ZC2HC1B: variants seen among roughly 807,000 people sequenced by gnomAD.
The protein encoded by ZC2HC1B is zinc finger C2HC domain-containing protein 1B.
ZC2HC1B carries 36 observed loss-of-function variants against 31.0 expected under a neutral mutation model. That is an observed-to-expected ratio of 1.16 (90% CI 0.89 to 1.54). The LOEUF (loss-of-function observed/expected upper bound fraction) is 1.54. Ranked by LOEUF, ZC2HC1B falls within the 40% of genes most tolerant of loss-of-function variation. ZC2HC1B has a pLI of 0.00. For synonymous variants in ZC2HC1B, 73 were observed against 88.0 expected, an observed-to-expected ratio of 0.83 and a Z score of 0.95; for missense variants, 260 against 268.6, an observed-to-expected ratio of 0.97 and a Z score of 0.22.
In ZC2HC1B at chr6:143,868,358, G is replaced by A. The variant is rs1364986316; in HGVS notation, c.28+3791G>A. On this transcript the variant is annotated intron_variant, in intron 1 of 7. Coordinates refer to ENST00000237275, the MANE Select transcript of ZC2HC1B (RefSeq NM_001013623.3). This position sits in a 1 kb window ranked among gnomAD's most constrained non-coding sequence, Gnocchi z 4.2. ...GCAAGCTGAGGAGCAAGGACAACCA[G>A]TACAGTGCCAAAACTGAAGAACTTG... 6.6e-6 allele frequency among the ~76,000 whole-genome samples: 1 copy of A among 152,210 alleles called. No individual in the cohort carries two copies. The highest frequency in any genetic ancestry group is 1.5e-5 in the Non-Finnish European group (1 of 68,044).
At chr6:143,909,250 G>C (rs1292134758) in intron 6 of ZC2HC1B, among the ~76,000 whole-genome samples, 1 of 151,934 alleles carries the variant, frequency 6.6e-6, no homozygotes, top group Non-Finnish European at 1.5e-5. Context: ...GTGTATCTCT[G>C]ACAGGTTTTG....
chr6:143,900,942 G>A (rs554385991), intron 5 of ZC2HC1B, among the ~76,000 whole-genome samples: 5 of 152,082 alleles, frequency 3.3e-5, no homozygotes, highest in South Asian at 2.1e-4. Context: ...GGGTTCAAGC[G>A]ATTCTCCGGC....
chr6:143,936,106 C>T (rs1778175234), intron 6 of ZC2HC1B, among the ~76,000 whole-genome samples: 1 of 152,112 alleles, frequency 6.6e-6, no homozygotes, highest in African/African-American at 2.4e-5. Flanking sequence ...CCACATATAA[C>T]AGTTTTAAAA....
At chr6:143,894,557 C>T (rs1031712906) in intron 4 of ZC2HC1B, among the ~76,000 whole-genome samples, 1 of 152,132 alleles carries the variant, frequency 6.6e-6, no homozygotes, top group African/African-American at 2.4e-5. Flanking sequence ...AAAAATATGT[C>T]ATCTGAACTT....
chr6:143,884,317 A>G lies in ZC2HC1B; in HGVS notation c.42A>G (p.Glu14=), dbSNP rs1369550071. The G allele has an allele frequency of 3.3e-6, 5 of 1,533,128 alleles. No individual in the cohort carries two copies. In the South Asian group the frequency reaches 3.7e-5, roughly 11 times the overall value. The allele number at this position is 1,533,128 out of a possible 1,614,324, so 95.0% of individuals were successfully genotyped here. Residue 14 remains glutamate, a synonymous_variant, in exon 2 of 8, where the codon GAA becomes GAG. Transcript: ENST00000237275. This position sits in a 1 kb window ranked among gnomAD's most constrained non-coding sequence, Gnocchi z 5.1. ...AATTTTACACAGATGGCAATCAGGA[A>G]TTGTTTCCCTGTGAAGTCTGTGGAA... ...AEPFLADGNQ[E]LFPCEVCGRR... is the part of the protein sequence containing the mutation.
At chr6:143,925,537 T>TAA (rs1778026821) in intron 6 of ZC2HC1B, among the ~76,000 whole-genome samples, 1 of 18,794 alleles carries the variant, frequency 5.3e-5, no homozygotes, top group Non-Finnish European at 9.1e-5. Flanking sequence ...TTTTCTTTTC[T>TAA]TTTTTTTTTT....
intron 6 of ZC2HC1B, among the ~76,000 whole-genome samples, chr6:143,926,740 T>G (rs900863048): frequency 6.6e-6 from 1 of 151,726 alleles, no homozygotes; most frequent in African/African-American, 2.4e-5. Context: ...TGTATTGGAG[T>G]CTATCTCTCC....
In ZC2HC1B at chr6:143,882,334, T is replaced by TTTTTA. The variant is rs1554237237; in HGVS notation, c.29-1969_29-1968insTTTAT. On this transcript the variant is annotated intron_variant, in intron 1 of 7. Coordinates refer to ENST00000237275, the MANE Select transcript of ZC2HC1B (RefSeq NM_001013623.3). ...AATATGTATACATATTTTATATTTT[T>TTTTTA]TATATATATATATATATATATATAT... 5.8e-5 allele frequency among the ~76,000 whole-genome samples: 5 copies of TTTTTA among 85,554 alleles called. No individual in the cohort carries two copies. The East Asian group carries it at 1.0e-3, about 17-fold the overall frequency. 56.1% of individuals were successfully genotyped at this position (85,554 alleles called of 152,430 possible). A position where few individuals can be genotyped will look rare whatever the true frequency, so the allele number is the denominator to read the frequency against.
In ZC2HC1B at chr6:143,884,216, A is replaced by G; in HGVS notation, c.29-88A>G. 8.4e-7 allele frequency: 1 copy of G among 1,189,096 alleles called. No homozygotes were observed. The highest frequency in any genetic ancestry group is 2.3e-5 in the Admixed American group (1 of 44,164). The allele number at this position is 1,189,096 out of a possible 1,614,324, so 73.7% of individuals were successfully genotyped here. A position where few individuals can be genotyped will look rare whatever the true frequency, so the allele number is the denominator to read the frequency against. On this transcript the variant is annotated intron_variant, in intron 1 of 7. Transcript: ENST00000237275. The surrounding 1 kb of genome is among the most constrained non-coding windows in gnomAD (Gnocchi z 5.1). ...GAGGGAAAAGAGAGTGAGGATATCA[A>G]GCTATTGAGGTCACCTCCAGTCAGT...
At chr6:143,902,387 G>A (rs1777747436) in intron 5 of ZC2HC1B, among the ~76,000 whole-genome samples, 1 of 152,104 alleles carries the variant, frequency 6.6e-6, no homozygotes, top group Non-Finnish European at 1.5e-5. Flanking sequence ...TGTGTGAATG[G>A]GGATGAGCTG....
chr6:143,882,721 C>G (rs923437422), intron 1 of ZC2HC1B, among the ~76,000 whole-genome samples: 1 of 152,072 alleles, frequency 6.6e-6, no homozygotes, highest in Non-Finnish European at 1.5e-5. Flanking sequence ...CTTCATTTCT[C>G]AAAGCCTACA....
At chr6:143,888,075 G>T (rs547585131) in intron 4 of ZC2HC1B, among the ~76,000 whole-genome samples, 1 of 151,848 alleles carries the variant, frequency 6.6e-6, no homozygotes, top group South Asian at 2.1e-4. Flanking sequence ...ATTTTAAGTC[G>T]ATTTTTGTGT....
chr6:143,896,240 A>G (rs1777665052), intron 4 of ZC2HC1B, among the ~76,000 whole-genome samples: 2 of 152,188 alleles, frequency 1.3e-5, no homozygotes. Flanking sequence ...ATAGACTTCA[A>G]CTTTGCTGTC....
rs1186019191 is a variant in ZC2HC1B, at chr6:143,885,148, C to T, written c.90+783C>T. 1.3e-5 allele frequency among the ~76,000 whole-genome samples: 2 copies of T among 152,008 alleles called. No homozygotes were observed. The highest frequency in any genetic ancestry group is 4.8e-5 in the African/African-American group (2 of 41,380). ...TAAAGGATGTGGACTGTAAGCCTGA[C>T]TATGTTTTGGACAAAAGACTATAAA... On this transcript the variant is annotated intron_variant, in intron 2 of 7. Transcript: ENST00000237275. The surrounding 1 kb of genome is among the most constrained non-coding windows in gnomAD (Gnocchi z 4.2).
chr6:143,937,856 A>G (rs1458062646), intron 7 of ZC2HC1B, 123 bp downstream of exon 7: 2 of 647,696 alleles, frequency 3.1e-6, no homozygotes, highest in East Asian at 5.8e-5. Context: ...GGTTAACAAA[A>G]TGTATGCTCT....
At chr6:143,898,440 C>A in intron 4 of ZC2HC1B, 112 bp from the exon 5 acceptor site, 1 of 1,320,388 alleles carries the variant, frequency 7.6e-7, no homozygotes, top group Non-Finnish European at 1.0e-6. Context: ...GGATTACTGG[C>A]ATGAGCCATC....
At chr6:143,878,892 C>A (rs909142109) in intron 1 of ZC2HC1B, among the ~76,000 whole-genome samples, 2 of 152,144 alleles carry the variant, frequency 1.3e-5, no homozygotes, top group Admixed American at 6.5e-5. Context: ...TATACTCATG[C>A]CTTCAGACAT....
At position 143,886,264 on chromosome 6, in the gene ZC2HC1B, T is replaced by C; in HGVS notation, c.210+113T>C. ...TGATAATACAGTAATGTAATGTAAC[T>C]GTAATCCACCTTTACTTTTTTCTTT... On this transcript the variant is annotated intron_variant, in intron 3 of 7. Transcript: ENST00000237275. This position sits in a 1 kb window ranked among gnomAD's most constrained non-coding sequence, Gnocchi z 4.2. The C allele has an allele frequency of 8.5e-7, 1 of 1,174,080 alleles. No individual in the cohort carries two copies. 72.7% of individuals were successfully genotyped at this position (1,174,080 alleles called of 1,614,324 possible).
chr6:143,905,547 AT>A lies in ZC2HC1B; in HGVS notation c.598+2402del, dbSNP rs1201181036. On this transcript the variant is annotated intron_variant, in intron 6 of 7. Coordinates refer to ENST00000237275, the MANE Select transcript of ZC2HC1B (RefSeq NM_001013623.3). This position sits in a 1 kb window ranked among gnomAD's most constrained non-coding sequence, Gnocchi z 4.2. ...TCCTTTCCAATTTGGATGCCTTTTA[AT>A]TTTTTTCTTCCTAATTGCTCTGGTT... Among the ~76,000 whole-genome samples, 1 of 151,916 alleles carries A rather than the reference AT, an allele frequency of 6.6e-6. No individual in the cohort carries two copies. The highest frequency in any genetic ancestry group is 1.5e-5 in the Non-Finnish European group (1 of 67,944).
Sources: gnomAD v4.1 joint callset for allele counts (sites outside exome capture counted in the v4.1 genomes callset) on GRCh38, gnomAD v4.1.1 for gene constraint, Gnocchi (gnomAD v3.1) non-coding constraint, MANE v1.5 for transcripts, NCBI Gene and HGNC (gene_info 2026-07-23, HGNC 2026-07-21) for gene names.